Variants in NNMT observed in about 807,000 individuals in gnomAD.
NNMT encodes nicotinamide N-methyltransferase.
In NNMT, 10 loss-of-function variants were observed where a neutral mutation model predicts 11.7. The observed-to-expected ratio is 0.85, with a 90% CI of 0.53 to 1.45. NNMT has a LOEUF of 1.45. Ranked by LOEUF, NNMT falls within the 40% of genes most tolerant of loss-of-function variation. NNMT has a pLI of 0.00. For synonymous variants in NNMT, 143 were observed against 133.8 expected, an observed-to-expected ratio of 1.07 and a Z score of -0.48; for missense variants, 381 against 319.4, an observed-to-expected ratio of 1.19 and a Z score of -1.47.
chr11:114,265,798 T>C (rs567905834), intron 2 of NNMT, among the ~76,000 whole-genome samples: 1 of 152,334 alleles, frequency 6.6e-6, no homozygotes, highest in South Asian at 2.1e-4. Flanking sequence ...CCATTAACCA[T>C]GATTAAAGTT....
intron 2 of NNMT, among the ~76,000 whole-genome samples, chr11:114,275,585 A>G (rs769168207): frequency 1.3e-5 from 2 of 152,164 alleles, no homozygotes; most frequent in Non-Finnish European, 2.9e-5. Context: ...CTTCATCTGT[A>G]AAAGGAGTGA....
At chr11:114,284,234 G>T (rs1436499002) in intron 2 of NNMT, among the ~76,000 whole-genome samples, 1 of 152,166 alleles carries the variant, frequency 6.6e-6, no homozygotes, top group East Asian at 1.9e-4. Context: ...CCAGCAAGCT[G>T]GCCACCTGCC....
upstream of NNMT, among the ~76,000 whole-genome samples, chr11:114,292,987 T>C (rs907337145): frequency 6.6e-6 from 1 of 152,218 alleles, no homozygotes; most frequent in Non-Finnish European, 1.5e-5. Flanking sequence ...AAATACGTAC[T>C]GTTAAGGCCA....
At position 114,277,185 on chromosome 11, in the gene NNMT, T is replaced by G. The variant is rs753262727; in HGVS notation, c.-130+14251T>G. Reference sequence around the variant, plus strand: ...TTGCAGTGAGCCGAGATCTTGCCACTGCACTCCAGCCTGGGCGACATAGCA... The same window carrying G: ...TTGCAGTGAGCCGAGATCTTGCCACGGCACTCCAGCCTGGGCGACATAGCA... On this transcript the variant is annotated intron_variant, in intron 2 of 4. Coordinates refer to the NNMT transcript ENST00000535401. 6.1e-4 allele frequency among the ~76,000 whole-genome samples: 93 copies of G among 152,044 alleles called. 1 individual carries two copies. The highest frequency in any genetic ancestry group is 2.9e-3 in the Admixed American group (44 of 15,272).
intron 2 of NNMT, among the ~76,000 whole-genome samples, chr11:114,280,529 C>A (rs1421416014): frequency 6.6e-6 from 1 of 152,150 alleles, no homozygotes; most frequent in Non-Finnish European, 1.5e-5. Context: ...AGAGAATCCC[C>A]TTATTCATTT....
chr11:114,302,565 TTTA>T (rs905278348), intron 2 of NNMT, among the ~76,000 whole-genome samples: 5 of 152,178 alleles, frequency 3.3e-5, no homozygotes, highest in African/African-American at 1.2e-4. Context: ...TTTATTTATT[TTTA>T]TTGTCTTATT....
At chr11:114,311,451 G>A (rs1323148781) in intron 2 of NNMT, among the ~76,000 whole-genome samples, 1 of 152,210 alleles carries the variant, frequency 6.6e-6, no homozygotes, top group African/African-American at 2.4e-5. Context: ...TGCAATATTT[G>A]TTGGAATCTG....
At chr11:114,291,921 C>G (rs1234296702), upstream of NNMT, among the ~76,000 whole-genome samples, 1 of 152,136 alleles carries the variant, frequency 6.6e-6, no homozygotes, top group Non-Finnish European at 1.5e-5. Flanking sequence ...TGACTGGATT[C>G]TGATACAGTA....
chr11:114,283,547 T>C (rs1295079680), intron 2 of NNMT, among the ~76,000 whole-genome samples: 1 of 152,174 alleles, frequency 6.6e-6, no homozygotes, highest in African/African-American at 2.4e-5. Flanking sequence ...TATGAGTGAA[T>C]TTCCTTCCAC....
intron 1 of NNMT, 98 bp downstream of exon 1, chr11:114,296,808 G>A (rs1381325238): frequency 3.4e-6 from 4 of 1,176,538 alleles, no homozygotes; most frequent in Non-Finnish European, 4.9e-6. Flanking sequence ...TTGCTTCACA[G>A]CCCTTTTGGC....
intron 2 of NNMT, among the ~76,000 whole-genome samples, chr11:114,271,249 T>C (rs1945167490): frequency 6.6e-6 from 1 of 152,076 alleles, no homozygotes; most frequent in Admixed American, 6.6e-5. Context: ...GAGAAAGACA[T>C]TGAGACTGTG....
chr11:114,295,521 T>C (rs1591835250), upstream of NNMT, among the ~76,000 whole-genome samples: 1 of 139,470 alleles, frequency 7.2e-6, no homozygotes, highest in African/African-American at 2.7e-5. Context: ...GCCCCCCGGG[T>C]TCATGCCATT....
chr11:114,294,434 C>T (rs1192012721), upstream of NNMT, among the ~76,000 whole-genome samples: 5 of 142,216 alleles, frequency 3.5e-5, no homozygotes, highest in Admixed American at 2.9e-4. Flanking sequence ...GCTGAGATCG[C>T]GTCACTGCAC....
At chr11:114,258,798 C>T (rs1046056882) in intron 1 of NNMT, among the ~76,000 whole-genome samples, 4 of 152,196 alleles carry the variant, frequency 2.6e-5, no homozygotes, top group Non-Finnish European at 5.9e-5. Flanking sequence ...TTGAGCCCCT[C>T]GGCCAACCCC....
At chr11:114,297,876 A>G (rs1379379396) in intron 1 of NNMT, 75 bp from the exon 2 acceptor site, 6 of 1,221,088 alleles carry the variant, frequency 4.9e-6, no homozygotes, top group Non-Finnish European at 7.3e-6. Flanking sequence ...GTCCCAGGGA[A>G]GACAATGTAA....
chr11:114,305,341 C>CTTT (rs34437402), intron 2 of NNMT, among the ~76,000 whole-genome samples: 2 of 146,616 alleles, frequency 1.4e-5, no homozygotes, highest in Non-Finnish European at 3.0e-5. Context: ...GTGGCTCCTC[C>CTTT]TTTTTTTTTT....
At chr11:114,290,042 C>A (rs1945324337) in intron 2 of NNMT, among the ~76,000 whole-genome samples, 1 of 152,178 alleles carries the variant, frequency 6.6e-6, no homozygotes, top group Non-Finnish European at 1.5e-5. Flanking sequence ...GGGCACTGAT[C>A]CCATTCATGA....
intron 2 of NNMT, among the ~76,000 whole-genome samples, chr11:114,269,964 A>G (rs1383255548): frequency 2.0e-5 from 3 of 152,024 alleles, no homozygotes; most frequent in South Asian, 4.1e-4. Context: ...ATAGATTCTT[A>G]TGTGTAGAGT....
intron 2 of NNMT, among the ~76,000 whole-genome samples, chr11:114,279,987 G>A (rs1216815612): frequency 2.0e-5 from 3 of 152,150 alleles, no homozygotes; most frequent in Admixed American, 2.0e-4. Flanking sequence ...GGTGTTTCAG[G>A]TGGAAGAAGC....
Sources: allele counts gnomAD v4.1 joint callset (sites outside exome capture counted in the v4.1 genomes callset), GRCh38; gene constraint gnomAD v4.1.1; transcripts MANE v1.5; gene names NCBI Gene and HGNC (gene_info 2026-07-23, HGNC 2026-07-21).